THADA: variants seen among roughly 807,000 people sequenced by gnomAD.
The protein encoded by THADA is THADA armadillo repeat containing.
THADA carries 213 observed loss-of-function variants against 219.8 expected under a neutral mutation model. The observed-to-expected ratio is 0.97, with a 90% CI of 0.87 to 1.09. The LOEUF (loss-of-function observed/expected upper bound fraction) is 1.09, where lower values mean the gene tolerates loss of function less well. Ranked by LOEUF, THADA falls within the 50% of genes least tolerant of loss-of-function variation. The probability of loss-of-function intolerance (pLI) is 0.00; values close to 1 mark genes in which losing one functional copy is unlikely to be tolerated. For missense variants in THADA, 2,956 were observed against 2,311.3 expected (o/e 1.28, Z -5.72); for synonymous variants, 1,018 against 828.9 (o/e 1.23, Z -3.92).
chr2:43,272,972 G>C (rs920346893), intron 36 of THADA, among the ~76,000 whole-genome samples: 8 of 152,014 alleles, frequency 5.3e-5, no homozygotes, highest in Non-Finnish European at 1.2e-4. Flanking sequence ...TGGATGGCCA[G>C]GCACGGTGGC....
intron 22 of THADA, among the ~76,000 whole-genome samples, chr2:43,509,439 TGCCCAAGGAATACCAAATTCA>T (rs1690112815): frequency 6.6e-6 from 1 of 152,214 alleles, no homozygotes; most frequent in Non-Finnish European, 1.5e-5. Context: ...TGTATAACAT[TGCCCAAGGAATACCAAATTCA>T]GTGGTAGGTA....
intron 28 of THADA, among the ~76,000 whole-genome samples, chr2:43,417,927 G>A (rs1487869789): frequency 6.6e-6 from 1 of 152,158 alleles, no homozygotes; most frequent in Non-Finnish European, 1.5e-5. Context: ...GATTAAATGA[G>A]TTAATATGTG....
At chr2:43,291,933 T>C (rs1343172035) in intron 33 of THADA, 165 bp from the exon 34 acceptor site, 2 of 760,388 alleles carry the variant, frequency 2.6e-6, no homozygotes, top group African/African-American at 1.8e-5. Flanking sequence ...TGGTTATTAA[T>C]GCAAATCACT....
intron 36 of THADA, among the ~76,000 whole-genome samples, chr2:43,248,154 TATATATATATAG>T (rs1296364457): frequency 5.5e-4 from 47 of 85,216 alleles, no homozygotes; most frequent in Admixed American, 2.4e-3. Context: ...TATATATATA[TATATATATATAG>T]AGAGAGAGAG....
At chr2:43,539,199 A>G (rs1694985994) in intron 21 of THADA, among the ~76,000 whole-genome samples, 1 of 152,116 alleles carries the variant, frequency 6.6e-6, no homozygotes, top group African/African-American at 2.4e-5. Context: ...AGTCACATTC[A>G]CCTAAGGCTT....
intron 34 of THADA, among the ~76,000 whole-genome samples, chr2:43,289,637 G>GT (rs1423208279): frequency 2.0e-5 from 3 of 151,958 alleles, no homozygotes; most frequent in Non-Finnish European, 4.4e-5. Context: ...AGAACTTGGT[G>GT]TTTTTTTGTT....
chr2:43,384,933 G>T (rs191580672), intron 29 of THADA, among the ~76,000 whole-genome samples: 12 of 152,204 alleles, frequency 7.9e-5, no homozygotes, highest in Admixed American at 7.8e-4. Context: ...CTGAGGTCAG[G>T]AGTTCTAGAT....
At chr2:43,458,010 A>G (rs2104918630) in intron 26 of THADA, among the ~76,000 whole-genome samples, 1 of 152,296 alleles carries the variant, frequency 6.6e-6, no homozygotes, top group South Asian at 2.1e-4. Flanking sequence ...AAACAAAACA[A>G]AACAAAACAA....
At chr2:43,524,897 T>A (rs962017564) in intron 22 of THADA, among the ~76,000 whole-genome samples, 1 of 152,218 alleles carries the variant, frequency 6.6e-6, no homozygotes, top group African/African-American at 2.4e-5. Context: ...CAACCACAGT[T>A]ATTCAAAAGC....
At chr2:43,341,752 C>A (rs1421380541) in intron 30 of THADA, among the ~76,000 whole-genome samples, 2 of 152,092 alleles carry the variant, frequency 1.3e-5, no homozygotes, top group African/African-American at 4.8e-5. Context: ...ACTTCTTGAT[C>A]CCCAGAAATA....
At chr2:43,524,962 C>T (rs1422150193) in intron 22 of THADA, among the ~76,000 whole-genome samples, 1 of 152,172 alleles carries the variant, frequency 6.6e-6, no homozygotes, top group Non-Finnish European at 1.5e-5. Context: ...CCAAAGACTG[C>T]AATCTTACTA....
chr2:43,292,346 C>T (rs544472192), intron 32 of THADA, 124 bp from the exon 33 acceptor site: 1 of 611,364 alleles, frequency 1.6e-6, no homozygotes, highest in Non-Finnish European at 2.8e-6. Context: ...CCACTGACTT[C>T]TTATTTCCCC....
At chr2:43,537,164 CA>C (rs1258462367) in intron 21 of THADA, among the ~76,000 whole-genome samples, 1 of 152,226 alleles carries the variant, frequency 6.6e-6, no homozygotes, top group African/African-American at 2.4e-5. Context: ...TGTTCTCCTA[CA>C]AAACAACAAA....
At chr2:43,445,181 A>G (rs557602243) in intron 26 of THADA, among the ~76,000 whole-genome samples, 42 of 150,614 alleles carry the variant, frequency 2.8e-4, no homozygotes, top group African/African-American at 1.1e-3. Flanking sequence ...TCTTAAGAAA[A>G]ATAATCCCCC....
At chr2:43,461,814 G>C (rs914834148) in intron 26 of THADA, among the ~76,000 whole-genome samples, 1 of 152,198 alleles carries the variant, frequency 6.6e-6, no homozygotes, top group Non-Finnish European at 1.5e-5. Flanking sequence ...TTTCAGCAAA[G>C]GTTCTGCAAT....
intron 22 of THADA, among the ~76,000 whole-genome samples, chr2:43,526,303 T>TG (rs1318527368): frequency 6.6e-6 from 1 of 151,062 alleles, no homozygotes; most frequent in Non-Finnish European, 1.5e-5. Context: ...AAATGTTTGA[T>TG]GCCTCTCTCC....
chr2:43,570,418 C>T lies in THADA; in HGVS notation c.2157G>A (p.Gln719=), dbSNP rs768723470. 9 of 1,613,328 alleles carry T rather than the reference C, an allele frequency of 5.6e-6. No homozygotes were observed. In the Admixed American group the frequency reaches 1.3e-4, roughly 24 times the overall value. Residue 719 remains glutamine, a synonymous_variant, in exon 14 of 38, where the codon CAG becomes CAA. Transcript: ENST00000405975. ...KREPENELTK[Q]HPSVSLQQYK... is the part of the protein sequence containing the mutation. ...ACTGCTGTAAAGAAACAGAAGGGTGCTGTTTGGTTAACTCATTCTCTGGTT... is the reference window on the plus strand; with the variant it reads ...ACTGCTGTAAAGAAACAGAAGGGTGTTGTTTGGTTAACTCATTCTCTGGTT...
At chr2:43,544,360 T>C (rs1695736145) in intron 20 of THADA, among the ~76,000 whole-genome samples, 2 of 152,228 alleles carry the variant, frequency 1.3e-5, no homozygotes, top group Non-Finnish European at 2.9e-5. Flanking sequence ...CAATGCGGGC[T>C]CTTTTTTGGT....
intron 31 of THADA, among the ~76,000 whole-genome samples, chr2:43,297,292 C>CCT (rs1317118358): frequency 2.0e-5 from 2 of 100,112 alleles, no homozygotes; most frequent in African/African-American, 1.2e-4. Context: ...GTGAGGAGAC[C>CCT]CTCTGCCTGG....
Sources: allele counts gnomAD v4.1 joint callset (sites outside exome capture counted in the v4.1 genomes callset), GRCh38; gene constraint gnomAD v4.1.1; transcripts MANE v1.5; gene names NCBI Gene and HGNC (gene_info 2026-07-23, HGNC 2026-07-21).